The following PCSK2 variants were observed in gnomAD, a reference collection of about 807,000 sequenced individuals.
The protein encoded by PCSK2 is proprotein convertase subtilisin/kexin type 2, also known as neuroendocrine convertase 2.
PCSK2 carries 14 observed loss-of-function variants against 69.7 expected under a neutral mutation model. That is an observed-to-expected ratio of 0.20 (90% CI 0.13 to 0.31). PCSK2 has a LOEUF of 0.31. PCSK2 is among the 10% of genes least tolerant of loss of function. The pLI is 1.00. For synonymous variants in PCSK2, 307 were observed against 320.7 expected, an observed-to-expected ratio of 0.96 and a Z score of 0.46; for missense variants, 544 against 842.5, an observed-to-expected ratio of 0.65 and a Z score of 4.39.
intron 2 of PCSK2, among the ~76,000 whole-genome samples, chr20:17,349,113 C>T (rs2029897555): frequency 6.6e-6 from 1 of 152,166 alleles, no homozygotes; most frequent in African/African-American, 2.4e-5. Context: ...TGTCAGCCAT[C>T]ACTAGGGTTT....
chr20:17,423,962 T>C (rs2032189252), intron 6 of PCSK2, among the ~76,000 whole-genome samples: 2 of 152,166 alleles, frequency 1.3e-5, no homozygotes, highest in Non-Finnish European at 2.9e-5. Context: ...ATGATCAATG[T>C]TGAAAAGGAT....
At chr20:17,279,774 C>T (rs540143094) in intron 2 of PCSK2, among the ~76,000 whole-genome samples, 10 of 133,922 alleles carry the variant, frequency 7.5e-5, no homozygotes, top group African/African-American at 2.6e-4. Flanking sequence ...GCAACAGGAG[C>T]GAAACTCCGT....
intron 5 of PCSK2, among the ~76,000 whole-genome samples, chr20:17,373,993 T>G (rs528274575): frequency 6.6e-6 from 1 of 152,320 alleles, no homozygotes; most frequent in East Asian, 1.9e-4. Context: ...AATTAAAATT[T>G]TTCTTTTTCT....
chr20:17,412,638 C>A (rs2031902303), intron 6 of PCSK2, among the ~76,000 whole-genome samples: 1 of 152,168 alleles, frequency 6.6e-6, no homozygotes, highest in Non-Finnish European at 1.5e-5. Flanking sequence ...CTTCCCCAAC[C>A]TAGCAAGGCA....
rs1568612053 is a variant in PCSK2 at position 17,347,836 on chromosome 20, GAAAGAAAGAAAGA to G, written c.283-10488_283-10476del. ...AGAAAGAAAGAAAGAAAGAAAGAAA[GAAAGAAAGAAAGA>G]AAGAAAGAAAGAGGAGAGAGAAAAA... On this transcript the variant is annotated intron_variant, in intron 2 of 11. Transcript: ENST00000262545. Among the ~76,000 whole-genome samples the G allele has an allele frequency of 5.8e-4, 72 of 124,600 alleles. 1 individual carries two copies. The East Asian group carries it at 6.3e-3, about 11-fold the overall frequency. 81.7% of individuals were successfully genotyped at this position (124,600 alleles called of 152,430 possible).
intron 5 of PCSK2, among the ~76,000 whole-genome samples, chr20:17,405,210 A>T (rs568831997): frequency 1.3e-5 from 2 of 152,354 alleles, no homozygotes; most frequent in African/African-American, 4.8e-5. Flanking sequence ...TCCAGGGTCA[A>T]AAACAGCCTC....
chr20:17,468,697 C>T (rs1180664796), intron 11 of PCSK2, among the ~76,000 whole-genome samples: 2 of 150,468 alleles, frequency 1.3e-5, no homozygotes, highest in Non-Finnish European at 3.0e-5. Flanking sequence ...GGCAGCCCAC[C>T]ATAGGTCAGC....
chr20:17,264,306 T>C (rs6136040), intron 2 of PCSK2, among the ~76,000 whole-genome samples: 78,228 of 152,044 alleles, frequency 0.51, 20,271 homozygotes, highest in East Asian at 0.66. Context: ...TTTATTTCCT[T>C]TACTAAGCAA....
At chr20:17,296,362 C>G (rs1988893126) in intron 2 of PCSK2, among the ~76,000 whole-genome samples, 1 of 152,212 alleles carries the variant, frequency 6.6e-6, no homozygotes, top group Non-Finnish European at 1.5e-5. Context: ...TTGTTCTTAT[C>G]TAAAATTATA....
Position 17,335,427 on chromosome 20 carries a change from T to TTGTG in PCSK2, c.283-22868_283-22865dup, listed in dbSNP as rs56275148. Among the ~76,000 whole-genome samples the TTGTG allele has an allele frequency of 4.1e-3, 574 of 139,264 alleles. 7 individuals are homozygous for TTGTG. The highest frequency in any genetic ancestry group is 0.011 in the Admixed American group (155 of 14,012). The allele number at this position is 139,264 out of a possible 152,430, so 91.4% of individuals were successfully genotyped here. On this transcript the variant is annotated intron_variant, in intron 2 of 11. Transcript: ENST00000262545. The stretch of plus-strand genomic sequence containing the variant: ...AGTCAGACAGCATCACAGCATCACT[T>TTGTG]TGTGTGTGTGTGTGTGTGTGTGTGT...
chr20:17,257,250 A>G (rs1987211836), intron 1 of PCSK2, among the ~76,000 whole-genome samples: 1 of 152,220 alleles, frequency 6.6e-6, no homozygotes. Flanking sequence ...GAGAACGGTG[A>G]TCATTAAACA....
At chr20:17,273,232 A>G (rs943446864) in intron 2 of PCSK2, among the ~76,000 whole-genome samples, 1 of 152,288 alleles carries the variant, frequency 6.6e-6, no homozygotes, top group Admixed American at 6.5e-5. Context: ...AATATTAACT[A>G]TCATTGAACT....
chr20:17,299,386 C>T (rs1989003933), intron 2 of PCSK2, among the ~76,000 whole-genome samples: 1 of 151,996 alleles, frequency 6.6e-6, no homozygotes, highest in Admixed American at 6.6e-5. Flanking sequence ...CTTTTCTTAC[C>T]CTAAATTTTA....
At chr20:17,292,825 GT>G (rs990522409) in intron 2 of PCSK2, among the ~76,000 whole-genome samples, 122 of 151,102 alleles carry the variant, frequency 8.1e-4, no homozygotes, top group African/African-American at 2.6e-3. Context: ...TTTCTGGGGT[GT>G]TTTTTTTTAT....
intron 2 of PCSK2, among the ~76,000 whole-genome samples, chr20:17,278,729 A>AT (rs1388619124): frequency 6.6e-6 from 1 of 152,116 alleles, no homozygotes; most frequent in African/African-American, 2.4e-5. Context: ...ATAATGATAT[A>AT]AATAAATAGA....
intron 1 of PCSK2, among the ~76,000 whole-genome samples, chr20:17,252,796 G>C (rs1023430834): frequency 6.6e-6 from 1 of 151,794 alleles, no homozygotes; most frequent in Non-Finnish European, 1.5e-5. Context: ...CTTATGACAA[G>C]GAACACAAAA....
At chr20:17,433,814 C>CTCCCTCTCT (rs1555795288) in intron 7 of PCSK2, among the ~76,000 whole-genome samples, 1 of 70,840 alleles carries the variant, frequency 1.4e-5, no homozygotes, top group Non-Finnish European at 2.5e-5. Context: ...TCTCTCTCTC[C>CTCCCTCTCT]CCCCACTTCC....
In PCSK2 at chr20:17,477,816, G is replaced by T. The variant is rs531479695; in HGVS notation, c.1431-3768G>T. Among the ~76,000 whole-genome samples, 3 of 151,618 alleles carry T rather than the reference G, an allele frequency of 2.0e-5. No individual in the cohort carries two copies. The South Asian group carries it at 6.2e-4, about 31-fold the overall frequency. On this transcript the variant is annotated intron_variant, in intron 11 of 11. Coordinates refer to ENST00000262545, the MANE Select transcript of PCSK2 (RefSeq NM_002594.5). ...ATGCAAAACTGATTTTGTGTGCAGG[G>T]TTAAGTAGCAGATTGACTTCGCATT...
rs575995532 is a variant in PCSK2 at position 17,278,697 on chromosome 20, G to A, written c.282+18353G>A. On this transcript the variant is annotated intron_variant, in intron 2 of 11. Coordinates refer to ENST00000262545, the MANE Select transcript of PCSK2 (RefSeq NM_002594.5). Reference sequence around the variant, plus strand: ...TAACAAAGCTGCACGCTATGCACATGTACCCTAAAACTTAAAGTATAATAA... The same window carrying A: ...TAACAAAGCTGCACGCTATGCACATATACCCTAAAACTTAAAGTATAATAA... Among the ~76,000 whole-genome samples, 39 of 152,176 alleles carry A rather than the reference G, an allele frequency of 2.6e-4. No homozygotes were observed. In the East Asian group the frequency reaches 7.3e-3, roughly 29 times the overall value.
Sources: allele counts gnomAD v4.1 joint callset (sites outside exome capture counted in the v4.1 genomes callset), GRCh38; gene constraint gnomAD v4.1.1; transcripts MANE v1.5; gene names NCBI Gene and HGNC (gene_info 2026-07-23, HGNC 2026-07-21).